Variants in TOMT observed in about 807,000 individuals in gnomAD.
TOMT encodes the protein transmembrane O-methyltransferase.
TOMT carries 23 observed loss-of-function variants against 21.7 expected under a neutral mutation model. That is an observed-to-expected ratio of 1.06 (90% CI 0.76 to 1.50). The LOEUF is 1.50. Ranked by LOEUF, TOMT falls within the 40% of genes most tolerant of loss-of-function variation. TOMT has a pLI of 0.00. For missense variants in TOMT, 331 were observed against 348.7 expected (o/e 0.95, Z 0.41); for synonymous variants, 132 against 150.8 (o/e 0.88, Z 0.91).
intron 1 of TOMT, chr11:72,107,153 G>A: frequency 2.4e-6 from 1 of 422,612 alleles, no homozygotes. Context: ...TGTGGTTCCA[G>A]CTACTGGAAA....
chr11:72,108,809 T>C, exon 3 of TOMT: 1 of 1,550,712 alleles, frequency 6.4e-7, no homozygotes, highest in Non-Finnish European at 8.7e-7. Flanking sequence ...ACCCCGCTTC[T>C]TGCAGTATGC....
intron 1 of TOMT, chr11:72,107,401 G>A (rs1006100075): frequency 1.4e-6 from 1 of 697,018 alleles, no homozygotes; most frequent in Non-Finnish European, 2.6e-6. Flanking sequence ...GTTTCTGCCT[G>A]GGACTTCATG....
chr11:72,107,727 A>G lies in TOMT; in HGVS notation c.260-196A>G, dbSNP rs928363516. Reference sequence around the variant, plus strand: ...AGTAATAAGGTCAGATTTGTTGGAAAGATTCCAGGGCTGGTGTGAAGACTA... The same window carrying G: ...AGTAATAAGGTCAGATTTGTTGGAAGGATTCCAGGGCTGGTGTGAAGACTA... On this transcript the variant is annotated intron_variant, in intron 1 of 2. Transcript: ENST00000541899. 8 of 628,040 alleles carry G rather than the reference A, an allele frequency of 1.3e-5. No homozygotes were observed. In the African/African-American group the frequency reaches 1.3e-4, roughly 10 times the overall value. 38.9% of individuals were successfully genotyped at this position (628,040 alleles called of 1,614,324 possible). A position where few individuals can be genotyped will look rare whatever the true frequency, so the allele number is the denominator to read the frequency against.
At chr11:72,109,296 C>T in exon 3 of TOMT, 1 of 472,190 alleles carries the variant, frequency 2.1e-6, no homozygotes, top group East Asian at 6.5e-5. Context: ...CAGGGGCCTC[C>T]CAGTTCTCGG....
chr11:72,108,641 C>G, exon 3 of TOMT: 1 of 1,501,688 alleles, frequency 6.7e-7, no homozygotes. Flanking sequence ...GGACGTGATC[C>G]CGTGCCTACG....
chr11:72,108,178 T>A (rs1252703020), intron 2 of TOMT, 59 bp downstream of exon 2: 2 of 1,414,546 alleles, frequency 1.4e-6, no homozygotes, highest in African/African-American at 2.9e-5. Context: ...CCCCCAGACA[T>A]CCCTTGTGAA....
exon 1 of TOMT, chr11:72,105,953 T>G: frequency 6.5e-7 from 1 of 1,548,200 alleles, no homozygotes; most frequent in Non-Finnish European, 8.7e-7. Flanking sequence ...GTAGGGACCA[T>G]GTCCCCTGCC....
At chr11:72,106,032 G>A (rs1371319501) in exon 1 of TOMT, 1 of 1,551,000 alleles carries the variant, frequency 6.4e-7, no homozygotes, top group Non-Finnish European at 8.7e-7. Context: ...TCCGATTGCT[G>A]GTGCGCACGG....
chr11:72,109,395 G>A (rs974883616), downstream of TOMT: 4 of 459,988 alleles, frequency 8.7e-6, no homozygotes, highest in Non-Finnish European at 1.7e-5. Context: ...AGGAATAGCT[G>A]GATGCAAGCT....
chr11:72,107,707 T>G, intron 1 of TOMT: 1 of 619,512 alleles, frequency 1.6e-6, no homozygotes, highest in Non-Finnish European at 2.9e-6. Context: ...CAAGGAGTAA[T>G]AAGGTCAGAT....
Position 72,108,639 on chromosome 11 carries a change from TC to T in TOMT, c.494del (p.Pro165ArgfsTer9). The T allele has an allele frequency of 6.7e-7, 1 of 1,500,398 alleles. No individual in the cohort carries two copies. The highest frequency in any genetic ancestry group is 8.9e-7 in the Non-Finnish European group (1 of 1,118,854). The allele number at this position is 1,500,398 out of a possible 1,614,324, so 92.9% of individuals were successfully genotyped here. A position where few individuals can be genotyped will look rare whatever the true frequency, so the allele number is the denominator to read the frequency against. ...ATCGTGGGCAGCTCAGAGGACGTGATCCCGTGCCTACGCACCCAGTATCAGC... is the reference window on the plus strand; with the variant it reads ...ATCGTGGGCAGCTCAGAGGACGTGATCCGTGCCTACGCACCCAGTATCAGC... On this transcript the variant is annotated frameshift_variant, in exon 3 of 3. Transcript: ENST00000541899. LOFTEE classifies it high-confidence loss of function.
intron 1 of TOMT, chr11:72,107,025 G>C (rs894222117): frequency 1.8e-4 from 32 of 178,052 alleles, no homozygotes; most frequent in Non-Finnish European, 1.6e-4. Flanking sequence ...CAGCACTTTG[G>C]GAGGCCAAAG....
chr11:72,106,940 CA>C (rs34155157), intron 1 of TOMT: 20,057 of 82,404 alleles, frequency 0.24, 2,503 homozygotes, highest in African/African-American at 0.46. Context: ...GAACCTGTCT[CA>C]AAAAAAAAAA....
chr11:72,106,014 G>A, exon 1 of TOMT: 1 of 1,551,058 alleles, frequency 6.4e-7, no homozygotes, highest in East Asian at 2.4e-5. Flanking sequence ...TGCGGTACCG[G>A]CACTACTTCC....
intron 2 of TOMT, among the ~76,000 whole-genome samples, 155 bp from the exon 3 acceptor site, chr11:72,108,450 T>C (rs1945951686): frequency 6.6e-6 from 1 of 152,192 alleles, no homozygotes; most frequent in African/African-American, 2.4e-5. Context: ...ACAATACTGA[T>C]CCTGACTTCT....
chr11:72,109,572 G>T (rs1197750610), downstream of TOMT: 1 of 493,028 alleles, frequency 2.0e-6, no homozygotes, highest in Non-Finnish European at 3.7e-6. Flanking sequence ...CCAACAAATA[G>T]GGAATAGACA....
At position 72,106,195 on chromosome 11, in the gene TOMT, A is replaced by G. The variant is rs991831788; in HGVS notation, c.244A>G (p.Met82Val). ...CAGCCGCTGCGAGTACTTGAGCCACATGGGGCCTGTCAAAGGTCAGTGTTC... is the reference window on the plus strand; with the variant it reads ...CAGCCGCTGCGAGTACTTGAGCCACGTGGGGCCTGTCAAAGGTCAGTGTTC... Residue 82 changes from methionine to valine, a missense_variant, in exon 1 of 3, where the codon ATG (methionine) becomes GTG (valine). Physicochemically the swap from Met to Val is conservative, Grantham distance 21. Transcript: ENST00000541899. 5.3e-6 allele frequency: 8 copies of G among 1,501,168 alleles called. No individual in the cohort carries two copies. In the African/African-American group the frequency reaches 8.3e-5, roughly 16 times the overall value. The allele number at this position is 1,501,168 out of a possible 1,614,324, so 93.0% of individuals were successfully genotyped here.
Position 72,108,844 on chromosome 11 carries a change from C to A in TOMT, c.696C>A (p.Cys232Ter), listed in dbSNP as rs747210285. The change falls in exon 3 of 3, where the codon TGC becomes TGA. Residue 232 changes from cysteine to a stop codon, truncating the protein, a stop_gained. Transcript: ENST00000541899. LOFTEE classifies it high-confidence loss of function. ...CTAAGAGCTGTGGCCGCTACCGCTG[C>A]CGCCTCCACCACACTGGCCTTCCAG... 14 of 1,550,548 alleles carry A rather than the reference C, an allele frequency of 9.0e-6. No homozygotes were observed. Among genetic ancestry groups the A allele is most frequent in the Admixed American group, 7.8e-5 (4 of 50,978 alleles).
At chr11:72,108,945 T>C in exon 3 of TOMT, 3 of 1,491,212 alleles carry the variant, frequency 2.0e-6, no homozygotes, top group Non-Finnish European at 2.7e-6. Flanking sequence ...CCAGGGGTAC[T>C]TACTGATGCC....
Sources: allele counts gnomAD v4.1 joint callset (sites outside exome capture counted in the v4.1 genomes callset), GRCh38; gene constraint gnomAD v4.1.1; transcripts MANE v1.5; gene names NCBI Gene and HGNC (gene_info 2026-07-23, HGNC 2026-07-21).